Variants in RBFOX1 observed in about 807,000 individuals in gnomAD.
The protein encoded by RBFOX1 is RNA binding protein fox-1 homolog 1.
Under a neutral mutation model 57.7 loss-of-function variants are expected in RBFOX1, and 8 were observed. The ratio of observed to expected loss-of-function variants is 0.14; its 90% CI spans 0.08 to 0.25. The LOEUF is 0.25. Among genes scored for constraint, RBFOX1 ranks in the 10% least tolerant of loss-of-function variants. RBFOX1 has a pLI of 1.00. For synonymous variants in RBFOX1, 326 were observed against 222.4 expected (o/e 1.47, Z -4.15); for missense variants, 611 against 548.5 (o/e 1.11, Z -1.14).
At chr16:6,085,226 G>C (rs1567418232) in intron 1 of RBFOX1, among the ~76,000 whole-genome samples, 1 of 152,084 alleles carries the variant, frequency 6.6e-6, no homozygotes. Flanking sequence ...CTTTTGGTTA[G>C]AAACATTGGC....
intron 2 of RBFOX1, among the ~76,000 whole-genome samples, chr16:6,391,090 A>G (rs962736763): frequency 6.6e-6 from 1 of 152,140 alleles, no homozygotes; most frequent in Admixed American, 6.5e-5. Context: ...ACATTTGCCA[A>G]ATGTCCCCTC....
At chr16:7,621,454 G>A (rs2059308386) in intron 10 of RBFOX1, among the ~76,000 whole-genome samples, 1 of 151,924 alleles carries the variant, frequency 6.6e-6, no homozygotes, top group Non-Finnish European at 1.5e-5. Context: ...TTAGAGACGG[G>A]TTTTGCCATG....
At chr16:7,147,357 AGGT>A (rs1354796155) in intron 4 of RBFOX1, among the ~76,000 whole-genome samples, 1 of 148,958 alleles carries the variant, frequency 6.7e-6, no homozygotes, top group African/African-American at 2.5e-5. Flanking sequence ...GGACATCTGC[AGGT>A]CTGTTACACA....
At chr16:5,696,922 C>G (rs1352157663) in intron 3 of RBFOX1, among the ~76,000 whole-genome samples, 2 of 151,750 alleles carry the variant, frequency 1.3e-5, no homozygotes, top group Non-Finnish European at 2.9e-5. Context: ...TTGTTTTGTT[C>G]TGTTTTTTGA....
intron 2 of RBFOX1, among the ~76,000 whole-genome samples, chr16:6,495,482 A>G (rs550295048): frequency 2.6e-5 from 4 of 152,196 alleles, no homozygotes; most frequent in African/African-American, 9.6e-5. Context: ...GTTGGTCATA[A>G]CTTGTGGGTT....
chr16:7,249,960 T>C (rs892487003), intron 4 of RBFOX1, among the ~76,000 whole-genome samples: 2 of 152,224 alleles, frequency 1.3e-5, no homozygotes, highest in African/African-American at 4.8e-5. Context: ...CTAAATCTCC[T>C]TTAATAATGA....
chr16:5,254,438 A>G (rs2062532245), intron 1 of RBFOX1, among the ~76,000 whole-genome samples: 1 of 152,198 alleles, frequency 6.6e-6, no homozygotes. Flanking sequence ...ACTCGCCTTT[A>G]GTAAAGACCT....
Position 7,702,629 on chromosome 16 carries a change from C to G in RBFOX1, c.996-6427C>G, listed in dbSNP as rs149374340. Among the ~76,000 whole-genome samples the G allele has an allele frequency of 4.1e-3, 624 of 152,304 alleles. 12 individuals carry two copies. Among genetic ancestry groups the G allele is most frequent in the African/African-American group, 0.012 (503 of 41,570 alleles). On this transcript the variant is annotated intron_variant, in intron 14 of 15. Transcript: ENST00000550418. The stretch of plus-strand genomic sequence containing the variant: ...GAACTCAGAAGCCATGCGCCCTCCC[C>G]TTCTGGTCTTGTTCTTTCTTTTCCT...
At chr16:5,820,958 C>T (rs998429092) in intron 3 of RBFOX1, among the ~76,000 whole-genome samples, 1 of 152,128 alleles carries the variant, frequency 6.6e-6, no homozygotes, top group Admixed American at 6.5e-5. Flanking sequence ...AGTGCCCTCC[C>T]TGTGAGCCCA....
intron 1 of RBFOX1, among the ~76,000 whole-genome samples, chr16:5,404,118 G>C (rs1370077696): frequency 6.6e-6 from 1 of 151,522 alleles, no homozygotes; most frequent in Non-Finnish European, 1.5e-5. Context: ...CAAAGGAGAT[G>C]GGGATGATTA....
intron 3 of RBFOX1, among the ~76,000 whole-genome samples, chr16:6,753,897 A>T (rs2075366693): frequency 6.6e-6 from 1 of 152,144 alleles, no homozygotes; most frequent in Non-Finnish European, 1.5e-5. Context: ...TCATAAAATC[A>T]TTCCCACCAA....
chr16:5,270,321 C>G, intron 1 of RBFOX1: 2 of 720,588 alleles, frequency 2.8e-6, no homozygotes, highest in Non-Finnish European at 5.0e-6. Context: ...GACTTGGTCA[C>G]CAGGACCCGA....
chr16:6,262,123 G>A (rs1054744977), intron 1 of RBFOX1, among the ~76,000 whole-genome samples: 1 of 152,120 alleles, frequency 6.6e-6, no homozygotes, highest in Admixed American at 6.6e-5. Flanking sequence ...GAGACTCCTT[G>A]ACTTCCCTTC....
At position 7,438,000 on chromosome 16, in the gene RBFOX1, C is replaced by T. The variant is rs576328512; in HGVS notation, c.28-80147C>T. ...TTTTAGGATGCACTTTAGAAGTCCACGTGGAATAATCCCTGCATGTCAGTG... is the reference window on the plus strand; with the variant it reads ...TTTTAGGATGCACTTTAGAAGTCCATGTGGAATAATCCCTGCATGTCAGTG... On this transcript the variant is annotated intron_variant, in intron 4 of 15. Coordinates refer to ENST00000550418, the MANE Select transcript of RBFOX1 (RefSeq NM_018723.4). Among the ~76,000 whole-genome samples, 12 of 151,962 alleles carry T rather than the reference C, an allele frequency of 7.9e-5. No homozygotes were observed. In the South Asian group the frequency reaches 1.9e-3, roughly 24 times the overall value.
chr16:7,249,296 T>C (rs1322514908), intron 4 of RBFOX1, among the ~76,000 whole-genome samples: 1 of 152,132 alleles, frequency 6.6e-6, no homozygotes, highest in East Asian at 1.9e-4. Flanking sequence ...TTCTATTGGA[T>C]GAACCCTGAA....
At chr16:7,042,952 TA>T (rs1331996600) in intron 3 of RBFOX1, among the ~76,000 whole-genome samples, 1 of 152,126 alleles carries the variant, frequency 6.6e-6, no homozygotes, top group Non-Finnish European at 1.5e-5. Context: ...ATAAAGTGAT[TA>T]AAACAATTAC....
chr16:7,131,067 G>A (rs773063174), intron 4 of RBFOX1, among the ~76,000 whole-genome samples: 2 of 152,058 alleles, frequency 1.3e-5, no homozygotes, highest in South Asian at 2.1e-4. Context: ...GCTTCTGGCC[G>A]GGCATGGTGG....
intron 3 of RBFOX1, among the ~76,000 whole-genome samples, chr16:6,753,883 T>C (rs11860149): frequency 8.7e-4 from 132 of 152,272 alleles, no homozygotes; most frequent in African/African-American, 3.1e-3. Context: ...CTCTCGGTCA[T>C]TTGTCATAAA....
chr16:7,359,211 C>G (rs1458566195), intron 4 of RBFOX1, among the ~76,000 whole-genome samples: 4 of 152,268 alleles, frequency 2.6e-5, no homozygotes, highest in South Asian at 4.1e-4. Context: ...GCCTTGGTTT[C>G]TAATCCTTAC....
Sources: allele counts gnomAD v4.1 joint callset (sites outside exome capture counted in the v4.1 genomes callset), GRCh38; gene constraint gnomAD v4.1.1; transcripts MANE v1.5; gene names NCBI Gene and HGNC (gene_info 2026-07-23, HGNC 2026-07-21).